The following AFG2A variants were observed in gnomAD, a reference collection of about 807,000 sequenced individuals.
AFG2A encodes the protein AAA ATPase AFG2A.
At chr4:123,117,263 C>T in the AFG2A span, among the ~76,000 whole-genome samples, 4 of 151,714 alleles carry the variant, frequency 2.6e-5, no homozygotes, top group South Asian at 2.1e-4. Context: ...CTTGAACCTC[C>T]GTTTTCAAGC....
the AFG2A span, among the ~76,000 whole-genome samples, chr4:123,289,179 C>T: frequency 3.9e-5 from 6 of 152,132 alleles, no homozygotes; most frequent in South Asian, 4.1e-4. Flanking sequence ...CACCCTACCC[C>T]GTTCTGAATC....
chr4:123,205,365 A>G, the AFG2A span, among the ~76,000 whole-genome samples: 210 of 152,192 alleles, frequency 1.4e-3, 5 homozygotes, highest in South Asian at 0.017. Context: ...TATGACAGTT[A>G]TTATACATAA....
the AFG2A span, among the ~76,000 whole-genome samples, chr4:123,127,359 T>C: frequency 6.6e-6 from 1 of 152,180 alleles, no homozygotes. Context: ...GTTGTAAAAA[T>C]TTCACATCAG....
chr4:123,311,193 T>C, the AFG2A span, among the ~76,000 whole-genome samples: 16 of 152,170 alleles, frequency 1.1e-4, no homozygotes, highest in Non-Finnish European at 1.5e-4. Flanking sequence ...TCCCAAATGT[T>C]GACATATACT....
At chr4:123,226,762 T>C in the AFG2A span, among the ~76,000 whole-genome samples, 4 of 152,234 alleles carry the variant, frequency 2.6e-5, no homozygotes, top group Admixed American at 2.0e-4. Flanking sequence ...TTCCTGTTGA[T>C]TGGAATAGTT....
chr4:123,298,112 T>TACACAA, the AFG2A span, among the ~76,000 whole-genome samples: 1 of 150,250 alleles, frequency 6.7e-6, no homozygotes, highest in Non-Finnish European at 1.5e-5. Flanking sequence ...TGCATACACA[T>TACACAA]ACACACACAC....
the AFG2A span, among the ~76,000 whole-genome samples, chr4:122,928,135 T>C: frequency 2.0e-5 from 3 of 152,254 alleles, no homozygotes; most frequent in Non-Finnish European, 4.4e-5. Context: ...TAAAATGTTA[T>C]GTAGAGAGAA....
the AFG2A span, among the ~76,000 whole-genome samples, chr4:123,089,018 A>G: frequency 6.6e-6 from 1 of 152,190 alleles, no homozygotes; most frequent in Non-Finnish European, 1.5e-5. Context: ...TTAGTGCCCA[A>G]AACAGTTCTC....
At chr4:123,095,131 T>C in the AFG2A span, among the ~76,000 whole-genome samples, 1 of 150,206 alleles carries the variant, frequency 6.7e-6, no homozygotes, top group African/African-American at 2.4e-5. Context: ...ACATCCCTCT[T>C]TTTATTCATT....
chr4:123,107,258 T>A, the AFG2A span, among the ~76,000 whole-genome samples: 1 of 152,180 alleles, frequency 6.6e-6, no homozygotes, highest in Non-Finnish European at 1.5e-5. Context: ...TTTCAGTCCC[T>A]CCATTTGGTG....
At chr4:123,101,439 T>A in the AFG2A span, among the ~76,000 whole-genome samples, 2 of 151,928 alleles carry the variant, frequency 1.3e-5, no homozygotes, top group African/African-American at 4.8e-5. Flanking sequence ...CAAAGTTTTA[T>A]TATATATATA....
chr4:123,185,958 A>G, the AFG2A span, among the ~76,000 whole-genome samples: 15 of 152,226 alleles, frequency 9.9e-5, no homozygotes, highest in African/African-American at 2.6e-4. Flanking sequence ...ATCTCCCACT[A>G]TGTTTCAAGG....
At chr4:123,151,269 T>A in the AFG2A span, among the ~76,000 whole-genome samples, 1 of 151,996 alleles carries the variant, frequency 6.6e-6, no homozygotes, top group Non-Finnish European at 1.5e-5. Context: ...AATTGACAAA[T>A]GGGATCTAAT....
At chr4:122,934,822 C>T in the AFG2A span, 762 of 1,462,258 alleles carry the variant, frequency 5.2e-4, 2 homozygotes, top group African/African-American at 5.8e-3. Flanking sequence ...ATTGCTCATC[C>T]TCTTTTCCTG....
the AFG2A span, among the ~76,000 whole-genome samples, chr4:123,244,067 A>G: frequency 6.6e-6 from 1 of 152,008 alleles, no homozygotes; most frequent in Non-Finnish European, 1.5e-5. Context: ...AGAATTTTGA[A>G]CTATGAATAG....
At chr4:123,003,688 G>C in the AFG2A span, among the ~76,000 whole-genome samples, 1 of 151,826 alleles carries the variant, frequency 6.6e-6, no homozygotes. Flanking sequence ...AGGAGTACCC[G>C]GCCGTGTGAG....
At chr4:122,967,613 C>A in the AFG2A span, among the ~76,000 whole-genome samples, 1 of 151,990 alleles carries the variant, frequency 6.6e-6, no homozygotes, top group African/African-American at 2.4e-5. Flanking sequence ...ATAAATATGT[C>A]CTGCAATGAT....
chr4:122,957,026 T>C, the AFG2A span, among the ~76,000 whole-genome samples: 1 of 152,130 alleles, frequency 6.6e-6, no homozygotes, highest in Non-Finnish European at 1.5e-5. Context: ...GTTTTCTCCA[T>C]TTGTAAATTG....
chr4:123,200,295 A>G, the AFG2A span, among the ~76,000 whole-genome samples: 1 of 152,146 alleles, frequency 6.6e-6, no homozygotes, highest in Non-Finnish European at 1.5e-5. Flanking sequence ...ATGTTAATAC[A>G]TTTTCTACTG....
Sources: gnomAD v4.1 joint callset for allele counts (sites outside exome capture counted in the v4.1 genomes callset) on GRCh38, gnomAD v4.1.1 for gene constraint, MANE v1.5 for transcripts, NCBI Gene and HGNC (gene_info 2026-07-23, HGNC 2026-07-21) for gene names.